The following RGPD1 variants were observed in gnomAD, a reference collection of about 807,000 sequenced individuals.
The protein encoded by RGPD1 is RANBP2 like and GRIP domain containing 1, also known as RANBP2-like and GRIP domain-containing protein 1.
In RGPD1, 7 loss-of-function variants were observed where a neutral mutation model predicts 40.6. The observed-to-expected ratio is 0.17, with a 90% CI of 0.10 to 0.32. The LOEUF (loss-of-function observed/expected upper bound fraction) is 0.32. RGPD1 is among the 10% of genes least tolerant of loss of function. The pLI is 1.00. For missense variants in RGPD1, 50 were observed against 472.5 expected (o/e 0.11, Z 8.29); for synonymous variants, 24 against 167.0 (o/e 0.14, Z 6.60).
At chr2:86,923,536 CGGA>C (rs1166455376) in intron 1 of RGPD1, among the ~76,000 whole-genome samples, 2 of 149,090 alleles carry the variant, frequency 1.3e-5, no homozygotes, top group African/African-American at 5.0e-5. Flanking sequence ...TTTTTTGAGA[CGGA>C]GTCTCGCCTT....
At chr2:86,929,884 G>T (rs1330682477) in intron 1 of RGPD1, among the ~76,000 whole-genome samples, 1 of 141,484 alleles carries the variant, frequency 7.1e-6, no homozygotes, top group Non-Finnish European at 1.6e-5. Flanking sequence ...GTTGGGACTA[G>T]GGCTGTTTCT....
At chr2:86,914,192 CGGCCTCGGCCTGGCCG>C (rs1677616562) in intron 1 of RGPD1, among the ~76,000 whole-genome samples, 3 of 54,578 alleles carry the variant, frequency 5.5e-5, no homozygotes, top group African/African-American at 2.0e-4. Context: ...ACGGCGGCGG[CGGCCTCGGCCTGGCCG>C]GGCGGCGGCG....
rs1332430921 is a variant in RGPD1, at chr2:86,914,937, G to T, written c.72+1016G>T. ...GGCGGCGGCCTCGACCTGGCCGGGC[G>T]GCGGCGGCGGCGGCGGCCTGGCCTA... is the stretch of plus-strand genomic sequence containing the variant. On this transcript the variant is annotated intron_variant, in intron 1 of 22. Coordinates refer to the RGPD1 transcript ENST00000398193. 9.1e-5 allele frequency among the ~76,000 whole-genome samples: 11 copies of T among 121,074 alleles called. 1 individual carries two copies. Among genetic ancestry groups the T allele is most frequent in the African/African-American group, 3.3e-4 (10 of 30,574 alleles). 79.4% of individuals were successfully genotyped at this position (121,074 alleles called of 152,430 possible).
intron 1 of RGPD1, among the ~76,000 whole-genome samples, chr2:86,918,352 G>C (rs1292510992): frequency 6.8e-6 from 1 of 148,016 alleles, no homozygotes; most frequent in Non-Finnish European, 1.5e-5. Flanking sequence ...GGACAACTTT[G>C]CCTGGGTCAC....
At chr2:86,941,141 C>T (rs1485425355), upstream of RGPD1, among the ~76,000 whole-genome samples, 1 of 152,176 alleles carries the variant, frequency 6.6e-6, no homozygotes, top group African/African-American at 2.4e-5. Context: ...TATTTGTCCA[C>T]ATAATTAAGA....
At chr2:86,940,859 A>G (rs944615663), upstream of RGPD1, among the ~76,000 whole-genome samples, 10 of 151,790 alleles carry the variant, frequency 6.6e-5, no homozygotes, top group Non-Finnish European at 1.2e-4. Flanking sequence ...ACTACCTAAA[A>G]TAGGATTTTC....
At chr2:86,914,260 C>T (rs1677627265) in intron 1 of RGPD1, among the ~76,000 whole-genome samples, 1 of 81,148 alleles carries the variant, frequency 1.2e-5, no homozygotes, top group Non-Finnish European at 2.4e-5. Flanking sequence ...GCGGCGGCCT[C>T]GGCCTCGGCC....
At chr2:86,915,141 C>G (rs530434480) in intron 1 of RGPD1, among the ~76,000 whole-genome samples, 25 of 149,868 alleles carry the variant, frequency 1.7e-4, no homozygotes, top group African/African-American at 6.1e-4. Context: ...ACTGAAAATA[C>G]AAAAATCAGC....
At chr2:86,925,229 T>C (rs1343148098) in intron 1 of RGPD1, among the ~76,000 whole-genome samples, 1 of 83,932 alleles carries the variant, frequency 1.2e-5, no homozygotes. Context: ...ATGAGCAGAA[T>C]TTTTTATTTT....
rs569342251 is a variant in RGPD1 at position 86,926,948 on chromosome 2, G to A, written c.72+13027G>A. On this transcript the variant is annotated intron_variant, in intron 1 of 22. Transcript: ENST00000398193. ...TCCTTGAGTAGTTTGGAACTGTAAT[G>A]TGTTACATTTGAGAGAGAGCCCTTC... Among the ~76,000 whole-genome samples, 3 of 152,148 alleles carry A rather than the reference G, an allele frequency of 2.0e-5. No homozygotes were observed. In the South Asian group the frequency reaches 6.2e-4, roughly 32 times the overall value.
intron 1 of RGPD1, among the ~76,000 whole-genome samples, chr2:86,923,247 C>T (rs1302758013): frequency 1.3e-5 from 2 of 151,260 alleles, no homozygotes; most frequent in Admixed American, 1.3e-4. Context: ...CCATGTTGGC[C>T]AGGCTGGTCT....
chr2:87,010,978 G>A (rs1573657872), intron 22 of RGPD1, among the ~76,000 whole-genome samples: 1 of 84,564 alleles, frequency 1.2e-5, no homozygotes, highest in African/African-American at 7.0e-5. Flanking sequence ...AGGTGAACAC[G>A]TTACGCAATT....
chr2:86,938,833 C>A (rs191248129), upstream of RGPD1, among the ~76,000 whole-genome samples: 2,345 of 135,432 alleles, frequency 0.017, 29 homozygotes, highest in Non-Finnish European at 0.027. Context: ...GAGCTGAGAT[C>A]GTGCCACTGT....
intron 1 of RGPD1, among the ~76,000 whole-genome samples, chr2:86,929,687 CTCT>C (rs1431663141): frequency 2.0e-5 from 2 of 101,024 alleles, no homozygotes; most frequent in African/African-American, 7.0e-5. Flanking sequence ...AGAGCCCACA[CTCT>C]TTTTTTTTTT....
intron 1 of RGPD1, among the ~76,000 whole-genome samples, chr2:86,924,822 C>A (rs1346201567): frequency 6.6e-6 from 1 of 150,630 alleles, no homozygotes; most frequent in African/African-American, 2.4e-5. Flanking sequence ...ATTTTAATTT[C>A]TTTTAATTTA....
At chr2:86,940,769 A>G (rs1679679447), upstream of RGPD1, among the ~76,000 whole-genome samples, 1 of 151,376 alleles carries the variant, frequency 6.6e-6, no homozygotes, top group East Asian at 1.9e-4. Context: ...TTCCATCAAG[A>G]TCTCTGTCCT....
chr2:86,941,307 T>C (rs1233850526), upstream of RGPD1, among the ~76,000 whole-genome samples: 2 of 149,948 alleles, frequency 1.3e-5, no homozygotes, highest in Non-Finnish European at 3.0e-5. Context: ...GCTGAAAATC[T>C]TTACATTATT....
At chr2:87,000,332 G>A (rs967366137) in intron 22 of RGPD1, among the ~76,000 whole-genome samples, 1 of 127,882 alleles carries the variant, frequency 7.8e-6, no homozygotes, top group Non-Finnish European at 1.6e-5. Context: ...CATGTTTAAT[G>A]TAGACGTTGC....
upstream of RGPD1, among the ~76,000 whole-genome samples, chr2:86,940,603 T>C (rs1162074955): frequency 6.9e-6 from 1 of 144,882 alleles, no homozygotes; most frequent in African/African-American, 2.6e-5. Flanking sequence ...CTGGCCCTCT[T>C]TTCATTTTAG....
Sources: allele counts gnomAD v4.1 joint callset (sites outside exome capture counted in the v4.1 genomes callset), GRCh38; gene constraint gnomAD v4.1.1; transcripts MANE v1.5; gene names NCBI Gene and HGNC (gene_info 2026-07-23, HGNC 2026-07-21).